The following ZSWIM5 variants were observed in gnomAD, a reference collection of about 807,000 sequenced individuals.
ZSWIM5 encodes zinc finger SWIM domain-containing protein 5.
A neutral mutation model predicts 119.6 loss-of-function variants in ZSWIM5; 55 were observed. That is an observed-to-expected ratio of 0.46 (90% CI 0.37 to 0.58). ZSWIM5 has a LOEUF of 0.58. ZSWIM5 is among the 20% of genes least tolerant of loss of function. ZSWIM5 has a pLI of 0.00. For missense variants in ZSWIM5, 1,193 were observed against 1,512.8 expected, an observed-to-expected ratio of 0.79 and a Z score of 3.51; for synonymous variants, 537 against 606.9, an observed-to-expected ratio of 0.88 and a Z score of 1.69.
chr1:45,153,082 T>C (rs1186859970), intron 1 of ZSWIM5, among the ~76,000 whole-genome samples: 4 of 129,992 alleles, frequency 3.1e-5, no homozygotes, highest in Non-Finnish European at 4.8e-5. Flanking sequence ...GAATGGCTAC[T>C]ATTAAAAAGT....
intron 1 of ZSWIM5, among the ~76,000 whole-genome samples, chr1:45,095,943 AC>A (rs1645398594): frequency 6.6e-6 from 1 of 152,218 alleles, no homozygotes; most frequent in African/African-American, 2.4e-5. Context: ...TAGGCTCTTA[AC>A]AAAAACAGTA....
At chr1:45,097,786 C>G (rs1645412212) in intron 1 of ZSWIM5, among the ~76,000 whole-genome samples, 1 of 152,116 alleles carries the variant, frequency 6.6e-6, no homozygotes, top group African/African-American at 2.4e-5. Context: ...ACTGCAACCT[C>G]TGCCTCCCAG....
Position 45,018,828 on chromosome 1 carries a change from G to T in ZSWIM5, c.3184C>A (p.Pro1062Thr). The stretch of plus-strand genomic sequence containing the variant: ...CAGTGCACACTCTTCACCACCAGGG[G>T]GATGAGAGCTGCCAGCTCATTCTTG... The part of the protein sequence containing the change: ...LGKNELAALI[P>T]LVVKSVHCAT... Residue 1062 changes from proline (P) to threonine (T), a missense_variant, in exon 14 of 14, where the codon CCC becomes ACC. Around this residue, in one of 2 missense-constraint regions of ZSWIM5, gnomAD observed 961 missense variants for 1,290.0 expected, o/e 0.74. Coordinates refer to ENST00000359600, the MANE Select transcript of ZSWIM5 (RefSeq NM_020883.2). This position sits in a 1 kb window ranked among gnomAD's most constrained non-coding sequence, Gnocchi z 6.7. 1 of 1,614,238 alleles carries T rather than the reference G, an allele frequency of 6.2e-7. No homozygotes were observed. Among genetic ancestry groups the T allele is most frequent in the Non-Finnish European group, 8.5e-7 (1 of 1,180,040 alleles).
intron 1 of ZSWIM5, among the ~76,000 whole-genome samples, chr1:45,106,765 G>T (rs369415282): frequency 6.6e-6 from 1 of 152,130 alleles, no homozygotes; most frequent in Non-Finnish European, 1.5e-5. Flanking sequence ...CGGTTTTGTC[G>T]AAAAGAAAAG....
intron 2 of ZSWIM5, among the ~76,000 whole-genome samples, chr1:45,073,362 G>A (rs346701): frequency 0.68 from 100,069 of 147,780 alleles, 34,848 homozygotes; most frequent in East Asian, 0.87. Flanking sequence ...GGGTTCAAGC[G>A]ATTCTCCTGC....
chr1:45,155,916 C>G (rs952156371), intron 1 of ZSWIM5, among the ~76,000 whole-genome samples: 3 of 151,618 alleles, frequency 2.0e-5, no homozygotes, highest in African/African-American at 7.3e-5. Context: ...GAATACAAGA[C>G]TACAAATTGG....
Position 45,072,495 on chromosome 1 carries a change from C to T in ZSWIM5, c.953-12248G>A, listed in dbSNP as rs987895325. Reference sequence around the variant, plus strand: ...GGGTTATTACTCAAGAAATCTTTGCCCAGTCCAGTGTCCTAGAGAGTTTCC... The same window carrying T: ...GGGTTATTACTCAAGAAATCTTTGCTCAGTCCAGTGTCCTAGAGAGTTTCC... On this transcript the variant is annotated intron_variant, in intron 2 of 13. Transcript: ENST00000359600. This position sits in a 1 kb window ranked among gnomAD's most constrained non-coding sequence, Gnocchi z 4.1. Among the ~76,000 whole-genome samples, 32 of 151,890 alleles carry T rather than the reference C, an allele frequency of 2.1e-4. 2 individuals carry two copies. Among genetic ancestry groups the T allele is most frequent in the African/African-American group, 7.3e-4 (30 of 41,208 alleles).
chr1:45,088,301 T>C lies in ZSWIM5; in HGVS notation c.596-64A>G, dbSNP rs571179668. 7 of 1,193,138 alleles carry C rather than the reference T, an allele frequency of 5.9e-6. No individual in the cohort carries two copies. The highest frequency in any genetic ancestry group is 2.0e-4 in the Middle Eastern group (1 of 4,992). The allele number at this position is 1,193,138 out of a possible 1,614,324, so 73.9% of individuals were successfully genotyped here. A position where few individuals can be genotyped will look rare whatever the true frequency, so the allele number is the denominator to read the frequency against. The stretch of plus-strand genomic sequence containing the variant: ...GAGTAATAAACTTAGATTCTCATTT[T>C]ACATGTAAATTCATCAATTCATAAA... On this transcript the variant is annotated intron_variant, in intron 1 of 13. Transcript: ENST00000359600. This position sits in a 1 kb window ranked among gnomAD's most constrained non-coding sequence, Gnocchi z 4.2.
intron 1 of ZSWIM5, among the ~76,000 whole-genome samples, chr1:45,129,484 T>C (rs1226727): frequency 0.15 from 22,622 of 152,070 alleles, 2,145 homozygotes; most frequent in African/African-American, 0.26. Flanking sequence ...TTAAGAGTTA[T>C]GTATATGTTT....
intron 1 of ZSWIM5, among the ~76,000 whole-genome samples, chr1:45,202,504 T>C (rs1020910286): frequency 2.6e-5 from 4 of 152,048 alleles, no homozygotes; most frequent in African/African-American, 4.8e-5. Context: ...CTGGTTCTAG[T>C]CTTGAAGACT....
intron 1 of ZSWIM5, among the ~76,000 whole-genome samples, chr1:45,093,358 T>G (rs1645379098): frequency 6.6e-6 from 1 of 152,372 alleles, no homozygotes; most frequent in African/African-American, 2.4e-5. Flanking sequence ...AGTATCAATT[T>G]AGATTCCAGT....
At chr1:45,083,278 T>A (rs1461604961) in intron 2 of ZSWIM5, among the ~76,000 whole-genome samples, 1 of 152,148 alleles carries the variant, frequency 6.6e-6, no homozygotes, top group Non-Finnish European at 1.5e-5. Context: ...TTTTTTTTTT[T>A]GAGACAGAGT....
chr1:45,047,357 C>T (rs1021704242), intron 5 of ZSWIM5, among the ~76,000 whole-genome samples: 2 of 151,852 alleles, frequency 1.3e-5, no homozygotes, highest in African/African-American at 4.8e-5. Context: ...GGATTGAAAG[C>T]CTGACTTGGA....
At chr1:45,078,711 C>T (rs1386435966) in intron 2 of ZSWIM5, among the ~76,000 whole-genome samples, 1 of 152,198 alleles carries the variant, frequency 6.6e-6, no homozygotes, top group Non-Finnish European at 1.5e-5. Context: ...CCTGAGGCTC[C>T]AATCAGCAGG....
At chr1:45,056,770 C>G (rs1316439694) in intron 4 of ZSWIM5, among the ~76,000 whole-genome samples, 1 of 152,068 alleles carries the variant, frequency 6.6e-6, no homozygotes, top group African/African-American at 2.4e-5. Context: ...TAAGGGTTGG[C>G]CTTTCATGAC....
chr1:45,137,246 G>T (rs796638681), intron 1 of ZSWIM5, among the ~76,000 whole-genome samples: 1 of 152,082 alleles, frequency 6.6e-6, no homozygotes, highest in African/African-American at 2.4e-5. Flanking sequence ...TTAGGGTCTT[G>T]CTATGTTGCC....
intron 4 of ZSWIM5, among the ~76,000 whole-genome samples, chr1:45,053,219 G>C (rs1473256342): frequency 2.6e-5 from 4 of 151,922 alleles, no homozygotes; most frequent in Non-Finnish European, 4.4e-5. Flanking sequence ...GTTTAAGAAG[G>C]GCTTTTCATC....
At position 45,036,175 on chromosome 1, in the gene ZSWIM5, C is replaced by T; in HGVS notation, c.2019G>A (p.Arg673=). 6.2e-7 allele frequency: 1 copy of T among 1,614,136 alleles called. No homozygotes were observed. Residue 673 remains arginine (R), a synonymous_variant, in exon 9 of 14, where the codon AGG becomes AGA. Coordinates refer to ENST00000359600, the MANE Select transcript of ZSWIM5 (RefSeq NM_020883.2). ...GTGCGTAGAGGCCTTCAGGCATTAA[C>T]CTCTGTTGACCCAGGCCCATCAGTG... ...EVALMGLGQQ[R]LMPEGLYAQD...
At position 45,182,154 on chromosome 1, in the gene ZSWIM5, C is replaced by T. The variant is rs1323940657; in HGVS notation, c.595+23602G>A. 1.2e-4 allele frequency among the ~76,000 whole-genome samples: 19 copies of T among 152,288 alleles called. No homozygotes were observed. In the East Asian group the frequency reaches 2.1e-3, roughly 17 times the overall value. On this transcript the variant is annotated intron_variant, in intron 1 of 13. Coordinates refer to ENST00000359600, the MANE Select transcript of ZSWIM5 (RefSeq NM_020883.2). ...AGACTGGGCCGGGCGCGGTGGCTCA[C>T]GCCTGTAATCCCAGCACTTTGGGAG...
Sources: allele counts gnomAD v4.1 joint callset (sites outside exome capture counted in the v4.1 genomes callset), GRCh38; gene constraint gnomAD v4.1.1; regional missense constraint gnomAD v4.1.1; non-coding constraint Gnocchi (gnomAD v3.1); transcripts MANE v1.5; gene names NCBI Gene and HGNC (gene_info 2026-07-23, HGNC 2026-07-21).